The following SPDYE2 variants were observed in gnomAD, a reference collection of about 807,000 sequenced individuals.
The protein encoded by SPDYE2 is speedy protein E2.
For missense variants in SPDYE2, 1 was observed against 121.0 expected, an observed-to-expected ratio of 0.01 and a Z score of 4.65; for synonymous variants, 2 against 45.1, an observed-to-expected ratio of 0.04 and a Z score of 3.83.
chr7:102,555,260 A>G (rs1465665548), intron 3 of SPDYE2, among the ~76,000 whole-genome samples: 1 of 112,880 alleles, frequency 8.9e-6, no homozygotes, highest in Non-Finnish European at 1.9e-5. Context: ...AAAAAAAAAA[A>G]GAAGGAAGGA....
intron 3 of SPDYE2, among the ~76,000 whole-genome samples, chr7:102,555,232 CAAAAAAA>C (rs1219322377): frequency 3.8e-5 from 2 of 52,216 alleles, no homozygotes; most frequent in South Asian, 7.9e-4. Context: ...GACGCTGTCT[CAAAAAAA>C]AAAAAAAAAA....
Position 102,556,255 on chromosome 7 carries a change from T to C in SPDYE2, c.610+125T>C. On this transcript the variant is annotated intron_variant, in intron 4 of 8. Transcript: ENST00000507918. ...GGGTGAGCTCTCCATGTGGGAGGAA[T>C]GTGAAGTGATCACTCATGAGGGACA... The C allele has an allele frequency of 4.5e-5, 4 of 88,952 alleles. 1 individual carries two copies. The Admixed American group carries it at 8.8e-4, about 20-fold the overall frequency. 5.5% of individuals were successfully genotyped at this position (88,952 alleles called of 1,614,324 possible).
exon 5 of SPDYE2, chr7:102,557,167 A>T: frequency 1.3e-6 from 1 of 760,520 alleles, no homozygotes; most frequent in Non-Finnish European, 2.0e-6. Flanking sequence ...ATCACAGAGG[A>T]TCCTGTCATT....
At chr7:102,564,010 C>T (rs1483814479), downstream of SPDYE2, 3 of 69,812 alleles carry the variant, frequency 4.3e-5, no homozygotes, top group East Asian at 3.2e-4. Flanking sequence ...TCTGTACGTC[C>T]GACTAACTTT....
chr7:102,559,835 G>GT (rs1800873128), intron 6 of SPDYE2, among the ~76,000 whole-genome samples: 1 of 27,786 alleles, frequency 3.6e-5, no homozygotes, highest in South Asian at 6.5e-4. Flanking sequence ...CTGGAGTGCA[G>GT]TGGTGAGATC....
exon 9 of SPDYE2, chr7:102,562,990 TTTTA>T (rs1350211011): frequency 6.1e-5 from 9 of 147,216 alleles, no homozygotes; most frequent in Admixed American, 2.0e-4. Flanking sequence ...TTAAATATTA[TTTTA>T]TTTATTTAAA....
intron 3 of SPDYE2, among the ~76,000 whole-genome samples, chr7:102,555,064 G>A (rs1268928870): frequency 1.4e-5 from 2 of 141,502 alleles, no homozygotes; most frequent in African/African-American, 5.2e-5. Flanking sequence ...CCAATATAGC[G>A]AAACCTCATT....
chr7:102,564,816 C>T (rs1326032299), downstream of SPDYE2: 6 of 149,012 alleles, frequency 4.0e-5, no homozygotes, highest in African/African-American at 1.5e-4. Flanking sequence ...CTCAGCCTCC[C>T]GAGTAGCTGG....
Position 102,555,636 on chromosome 7 carries a change from A to C in SPDYE2, c.380-264A>C, listed in dbSNP as rs770322988. On this transcript the variant is annotated intron_variant, in intron 3 of 8. Coordinates refer to ENST00000507918, the Ensembl canonical transcript of SPDYE2. ...TCAACAACAACAACAACAACAACAA[A>C]AAAAAAAAAAAAAAGGGACTCAGAG... Among the ~76,000 whole-genome samples the C allele has an allele frequency of 2.6e-4, 22 of 83,048 alleles. 1 individual carries two copies. The highest frequency in any genetic ancestry group is 6.9e-4 in the East Asian group (2 of 2,916). 54.5% of individuals were successfully genotyped at this position (83,048 alleles called of 152,430 possible).
chr7:102,554,837 G>A (rs1411558543), intron 3 of SPDYE2, among the ~76,000 whole-genome samples: 2 of 110,028 alleles, frequency 1.8e-5, no homozygotes, highest in African/African-American at 2.9e-5. Flanking sequence ...ATGCTAGCAC[G>A]TTGGGAGGCT....
chr7:102,551,642 CA>C, intron 1 of SPDYE2, among the ~76,000 whole-genome samples: 1 of 77,936 alleles, frequency 1.3e-5, no homozygotes, highest in African/African-American at 4.6e-5. Flanking sequence ...AACTCACTCG[CA>C]GGTTCTTTAT....
exon 9 of SPDYE2, among the ~76,000 whole-genome samples, chr7:102,562,501 T>G (rs1378283079): frequency 1.3e-3 from 1 of 786 alleles, no homozygotes; most frequent in East Asian, 0.014. Flanking sequence ...ACTCTGCATT[T>G]TATTGGTTTG....
chr7:102,564,561 C>T (rs556483831), downstream of SPDYE2: 1 of 147,434 alleles, frequency 6.8e-6, no homozygotes, highest in Admixed American at 6.8e-5. Context: ...GACTGGGGTG[C>T]AGTGGTGTGG....
chr7:102,564,431 A>G (rs1800985088), downstream of SPDYE2: 1 of 149,864 alleles, frequency 6.7e-6, no homozygotes, highest in African/African-American at 2.4e-5. Context: ...TCAAAAAAAA[A>G]AAAAAAAAAA....
intron 3 of SPDYE2, among the ~76,000 whole-genome samples, chr7:102,554,799 G>A (rs1182641766): frequency 5.0e-5 from 6 of 119,730 alleles, no homozygotes; most frequent in East Asian, 2.2e-4. Flanking sequence ...GCTTGGTTTC[G>A]GGCCAGGTGC....
At chr7:102,551,244 C>T (rs1306092295) in exon 1 of SPDYE2, 9 of 153,152 alleles carry the variant, frequency 5.9e-5, no homozygotes, top group African/African-American at 2.2e-4. Flanking sequence ...CAGAGACAGA[C>T]CCCAGATCTG....
intron 3 of SPDYE2, among the ~76,000 whole-genome samples, chr7:102,555,260 A>AAAAAAAAAAAG (rs1800750824): frequency 8.9e-6 from 1 of 112,804 alleles, no homozygotes; most frequent in African/African-American, 3.4e-5. Flanking sequence ...AAAAAAAAAA[A>AAAAAAAAAAAG]GAAGGAAGGA....
Position 102,557,341 on chromosome 7 carries a change from T to TGTGTG in SPDYE2, c.669+119_669+120insGTGTG, listed in dbSNP as rs1171723315. ...CCACCAGATGCTCCTACAGTCTTTT[T>TGTGTG]TTTTTTTTTTTGTGTGTGTGTGTGT... is the stretch of plus-strand genomic sequence containing the variant. On this transcript the variant is annotated intron_variant, in intron 5 of 8. Transcript: ENST00000507918. The TGTGTG allele has an allele frequency of 2.3e-4, 88 of 387,540 alleles. 1 individual carries two copies. In the East Asian group the frequency reaches 5.2e-3, roughly 23 times the overall value. The allele number at this position is 387,540 out of a possible 1,614,324, so 24.0% of individuals were successfully genotyped here. A position where few individuals can be genotyped will look rare whatever the true frequency, so the allele number is the denominator to read the frequency against.
intron 3 of SPDYE2, among the ~76,000 whole-genome samples, chr7:102,555,201 C>T (rs1415867278): frequency 1.7e-5 from 2 of 118,512 alleles, no homozygotes; most frequent in African/African-American, 6.0e-5. Flanking sequence ...CCACTGCATT[C>T]CATTCTGGGT....
Sources: allele counts gnomAD v4.1 joint callset (sites outside exome capture counted in the v4.1 genomes callset), GRCh38; gene constraint gnomAD v4.1.1; transcripts MANE v1.5; gene names NCBI Gene and HGNC (gene_info 2026-07-23, HGNC 2026-07-21).